The following KTN1 variants were observed in gnomAD, a reference collection of about 807,000 sequenced individuals.
KTN1 encodes kinectin 1.
Under a neutral mutation model 222.5 loss-of-function variants are expected in KTN1, and 130 were observed. That is an observed-to-expected ratio of 0.58 (90% CI 0.51 to 0.68). The LOEUF (loss-of-function observed/expected upper bound fraction) is 0.68, where lower values mean the gene tolerates loss of function less well. KTN1 is among the 30% of genes least tolerant of loss of function. The probability of loss-of-function intolerance (pLI) is 0.00; values close to 1 mark genes in which losing one functional copy is unlikely to be tolerated. For synonymous variants in KTN1, 512 were observed against 496.3 expected, an observed-to-expected ratio of 1.03 and a Z score of -0.42; for missense variants, 1,508 against 1,500.4, an observed-to-expected ratio of 1.01 and a Z score of -0.08.
At chr14:55,590,636 T>C (rs966945816) in intron 1 of KTN1, among the ~76,000 whole-genome samples, 1 of 152,136 alleles carries the variant, frequency 6.6e-6, no homozygotes, top group African/African-American at 2.4e-5. Flanking sequence ...TATGAGTTTA[T>C]TTGTAACTTC....
rs770584722 is a variant in KTN1 at position 55,672,303 on chromosome 14, T to C, written c.3532-327T>C. The C allele has an allele frequency of 1.6e-5, 4 of 245,908 alleles. No homozygotes were observed. The East Asian group carries it at 3.6e-4, about 22-fold the overall frequency. 15.2% of individuals were successfully genotyped at this position (245,908 alleles called of 1,614,324 possible). A position where few individuals can be genotyped will look rare whatever the true frequency, so the allele number is the denominator to read the frequency against. ...CGTGATAAAGAGTACCATTACTCACTTATTTTTTGGGGCCAATGTGCAGAA... is the reference window on the plus strand; with the variant it reads ...CGTGATAAAGAGTACCATTACTCACCTATTTTTTGGGGCCAATGTGCAGAA... On this transcript the variant is annotated intron_variant, in intron 37 of 43. Transcript: ENST00000395314.
At chr14:55,651,841 G>A in intron 24 of KTN1, 49 bp from the exon 25 acceptor site, 1 of 1,216,320 alleles carries the variant, frequency 8.2e-7, no homozygotes, top group Non-Finnish European at 1.2e-6. Flanking sequence ...AGCTTAATAA[G>A]TTAAATTGAA....
intron 34 of KTN1, among the ~76,000 whole-genome samples, chr14:55,669,469 AAAT>A (rs769734504): frequency 2.0e-5 from 3 of 152,124 alleles, no homozygotes; most frequent in African/African-American, 7.2e-5. Flanking sequence ...TTATGTTATA[AAAT>A]AATAAAGCAA....
intron 1 of KTN1, among the ~76,000 whole-genome samples, chr14:55,585,131 CAA>C (rs752597184): frequency 0.025 from 1,384 of 54,388 alleles, 6 homozygotes; most frequent in African/African-American, 0.062. Flanking sequence ...GACTGTGTCT[CAA>C]AAAAAAAAAA....
At chr14:55,666,500 G>A (rs2044760509) in intron 33 of KTN1, among the ~76,000 whole-genome samples, 2 of 151,252 alleles carry the variant, frequency 1.3e-5, no homozygotes, top group African/African-American at 2.4e-5. Flanking sequence ...CCCTAATTTT[G>A]ACAAACCATG....
chr14:55,643,753 C>G (rs1411304062), intron 18 of KTN1, among the ~76,000 whole-genome samples: 1 of 152,060 alleles, frequency 6.6e-6, no homozygotes, highest in Non-Finnish European at 1.5e-5. Context: ...TCATGTAATA[C>G]CTTGAGAAAT....
intron 28 of KTN1, among the ~76,000 whole-genome samples, chr14:55,653,989 T>C (rs1046506408): frequency 2.6e-5 from 4 of 152,196 alleles, no homozygotes; most frequent in Non-Finnish European, 5.9e-5. Flanking sequence ...AGCCATAATC[T>C]TGATAATGAA....
At chr14:55,651,862 A>G (rs531460573) in intron 24 of KTN1, 28 bp from the exon 25 acceptor site, 3 of 1,459,022 alleles carry the variant, frequency 2.1e-6, no homozygotes, top group African/African-American at 1.4e-5. Flanking sequence ...AGGATTATTA[A>G]TTGATTTTTC....
At chr14:55,588,041 CT>C (rs1419145444) in intron 1 of KTN1, among the ~76,000 whole-genome samples, 2 of 152,150 alleles carry the variant, frequency 1.3e-5, no homozygotes, top group African/African-American at 4.8e-5. Flanking sequence ...ATTAGGGGCA[CT>C]AGCACCCTGT....
chr14:55,598,808 C>T (rs1261794486), intron 1 of KTN1, among the ~76,000 whole-genome samples: 3 of 152,202 alleles, frequency 2.0e-5, no homozygotes, highest in African/African-American at 7.2e-5. Context: ...CACAACGTTA[C>T]AACAAATGTT....
At chr14:55,583,449 A>G (rs1325990103) in intron 1 of KTN1, among the ~76,000 whole-genome samples, 1 of 152,226 alleles carries the variant, frequency 6.6e-6, no homozygotes, top group Non-Finnish European at 1.5e-5. Context: ...TATTTTACGA[A>G]TCGTCCTAGC....
chr14:55,614,884 A>G (rs2038123191), intron 2 of KTN1, among the ~76,000 whole-genome samples: 2 of 152,228 alleles, frequency 1.3e-5, no homozygotes, highest in Admixed American at 1.3e-4. Flanking sequence ...AATTGAGAAG[A>G]GAACACTTCC....
At chr14:55,669,252 C>T (rs934952262) in intron 34 of KTN1, among the ~76,000 whole-genome samples, 1 of 151,994 alleles carries the variant, frequency 6.6e-6, no homozygotes, top group Non-Finnish European at 1.5e-5. Flanking sequence ...CAATACTACC[C>T]ACTCTCAGTA....
Position 55,646,436 on chromosome 14 carries a change from C to CT in KTN1, c.2173-534dup, listed in dbSNP as rs199500080. Among the ~76,000 whole-genome samples, 101 of 96,790 alleles carry CT rather than the reference C, an allele frequency of 1.0e-3. 2 individuals are homozygous for CT. The highest frequency in any genetic ancestry group is 2.2e-3 in the East Asian group (8 of 3,590). 63.5% of individuals were successfully genotyped at this position (96,790 alleles called of 152,430 possible). A position where few individuals can be genotyped will look rare whatever the true frequency, so the allele number is the denominator to read the frequency against. ...TTTTTTCCTTTCTTTCCTTCCTTTCCTTTCCTTTTCCTTTTCCTTTTCCTT... is the reference window on the plus strand; with the variant it reads ...TTTTTTCCTTTCTTTCCTTCCTTTCCTTTTCCTTTTCCTTTTCCTTTTCCTT... On this transcript the variant is annotated intron_variant, in intron 18 of 43. Coordinates refer to ENST00000395314, the MANE Select transcript of KTN1 (RefSeq NM_001079521.2).
intron 1 of KTN1, among the ~76,000 whole-genome samples, chr14:55,589,954 G>A (rs984500161): frequency 3.3e-5 from 5 of 152,008 alleles, no homozygotes; most frequent in African/African-American, 1.2e-4. Context: ...ACTGCACCCA[G>A]CCTTATTTAT....
intron 28 of KTN1, among the ~76,000 whole-genome samples, chr14:55,655,002 CAG>C (rs988363123): frequency 5.9e-5 from 9 of 151,666 alleles, no homozygotes; most frequent in African/African-American, 1.9e-4. Flanking sequence ...TTTTTTGGGA[CAG>C]AGTCTTTCTC....
rs2032035925 is a variant in KTN1 at position 55,582,855 on chromosome 14, T to C, written c.-31+2501T>C. On this transcript the variant is annotated intron_variant, in intron 1 of 43. Coordinates refer to ENST00000395314, the MANE Select transcript of KTN1 (RefSeq NM_001079521.2). ...AATACACCTTATGACCTGCTTGTTCTCTGTACTGTTTTTAGTGACTTTGAA... is the reference window on the plus strand; with the variant it reads ...AATACACCTTATGACCTGCTTGTTCCCTGTACTGTTTTTAGTGACTTTGAA... 2.0e-5 allele frequency among the ~76,000 whole-genome samples: 3 copies of C among 152,308 alleles called. No individual in the cohort carries two copies. In the South Asian group the frequency reaches 6.2e-4, roughly 32 times the overall value.
chr14:55,640,842 T>A, intron 15 of KTN1, 91 bp from the exon 16 acceptor site: 1 of 1,022,626 alleles, frequency 9.8e-7, no homozygotes, highest in Non-Finnish European at 1.5e-6. Flanking sequence ...TATATGGAAA[T>A]ACAGCTTTTT....
chr14:55,596,928 A>G (rs2035144313), intron 1 of KTN1, among the ~76,000 whole-genome samples: 1 of 151,408 alleles, frequency 6.6e-6, no homozygotes, highest in African/African-American at 2.4e-5. Flanking sequence ...TCTGTCATAG[A>G]CTCTTTTTGC....
Sources: gnomAD v4.1 joint callset for allele counts (sites outside exome capture counted in the v4.1 genomes callset) on GRCh38, gnomAD v4.1.1 for gene constraint, MANE v1.5 for transcripts, NCBI Gene and HGNC (gene_info 2026-07-23, HGNC 2026-07-21) for gene names.